Variants in ARFGEF3 observed in about 807,000 individuals in gnomAD.
ARFGEF3 encodes ARFGEF family member 3, also known as brefeldin A-inhibited guanine nucleotide-exchange protein 3.
A neutral mutation model predicts 221.7 loss-of-function variants in ARFGEF3; 96 were observed. The observed-to-expected ratio is 0.43, with a 90% CI of 0.37 to 0.51. The LOEUF is 0.51. Among genes scored for constraint, ARFGEF3 ranks in the 20% least tolerant of loss-of-function variants. The pLI is 0.00. For synonymous variants in ARFGEF3, 1,145 were observed against 1,126.8 expected, an observed-to-expected ratio of 1.02 and a Z score of -0.32; for missense variants, 2,410 against 2,789.9, an observed-to-expected ratio of 0.86 and a Z score of 3.07.
chr6:138,299,635 C>T (rs949060820), intron 22 of ARFGEF3, among the ~76,000 whole-genome samples: 2 of 152,170 alleles, frequency 1.3e-5, no homozygotes, highest in African/African-American at 2.4e-5. Flanking sequence ...GAGAAGTAAG[C>T]GGAGCCCTTA....
chr6:138,293,523 G>A (rs973603110), intron 19 of ARFGEF3, among the ~76,000 whole-genome samples: 3 of 152,194 alleles, frequency 2.0e-5, no homozygotes, highest in African/African-American at 7.2e-5. Flanking sequence ...CGCCCTGGAG[G>A]GGGGCTTACA....
intron 10 of ARFGEF3, among the ~76,000 whole-genome samples, chr6:138,260,680 T>G (rs933703958): frequency 6.6e-6 from 1 of 151,930 alleles, no homozygotes; most frequent in Non-Finnish European, 1.5e-5. Flanking sequence ...AAGAAGAAAG[T>G]AATTATGACA....
At position 138,344,452 on chromosome 6, in the gene ARFGEF3, A is replaced by C. The variant is rs959374746; in HGVS notation, c.*7966A>C. On this transcript the variant is annotated 3_prime_UTR_variant, in exon 34 of 34. Coordinates refer to ENST00000251691, the MANE Select transcript of ARFGEF3 (RefSeq NM_020340.5). Reference sequence around the variant, plus strand: ...ATGTTGATATAACTGATTTTATAGAATCTGTCTGTTCTTTGTTTAACAGGT... The same window carrying C: ...ATGTTGATATAACTGATTTTATAGACTCTGTCTGTTCTTTGTTTAACAGGT... 2 of 152,162 alleles carry C rather than the reference A, an allele frequency of 1.3e-5. No individual in the cohort carries two copies. The highest frequency in any genetic ancestry group is 4.8e-5 in the African/African-American group (2 of 41,436). 9.4% of individuals were successfully genotyped at this position (152,162 alleles called of 1,614,324 possible).
intron 2 of ARFGEF3, among the ~76,000 whole-genome samples, chr6:138,185,628 A>G (rs1777167931): frequency 1.3e-5 from 2 of 152,220 alleles, no homozygotes; most frequent in African/African-American, 2.4e-5. Context: ...TTGATAAAAT[A>G]TGGAGGAGAG....
intron 4 of ARFGEF3, among the ~76,000 whole-genome samples, chr6:138,224,108 C>A (rs1778033498): frequency 6.6e-6 from 1 of 152,178 alleles, no homozygotes; most frequent in Non-Finnish European, 1.5e-5. Context: ...CTTCTTTACT[C>A]CTGAATCCCC....
At chr6:138,249,890 G>A (rs1486114955) in intron 8 of ARFGEF3, among the ~76,000 whole-genome samples, 1 of 152,164 alleles carries the variant, frequency 6.6e-6, no homozygotes, top group Middle Eastern at 3.2e-3. Context: ...TGGGGGCACA[G>A]GATGCTTAGC....
In ARFGEF3 at chr6:138,336,394, C is replaced by G. The variant is rs1780323939; in HGVS notation, c.6442C>G (p.Gln2148Glu). The G allele has an allele frequency of 6.2e-7, 1 of 1,613,462 alleles. No homozygotes were observed. The highest frequency in any genetic ancestry group is 8.5e-7 in the Non-Finnish European group (1 of 1,179,714). ...LQPAVFPCISQLTCHVTDIRV... is the reference protein window; with the variant it reads ...LQPAVFPCISELTCHVTDIRV... ...GCCCGCAGTGTTCCCGTGCATCAGT[C>G]AGCTGACCTGTCACGTGACCGACAT... Residue 2148 changes from glutamine (Q) to glutamate (E), a missense_variant, in exon 34 of 34, where the codon CAG becomes GAG. Around this residue, in one of 5 missense-constraint regions of ARFGEF3, gnomAD observed 339 missense variants for 334.9 expected, o/e 1.01. Transcript: ENST00000251691.
chr6:138,295,225 C>T (rs557510828), intron 20 of ARFGEF3, among the ~76,000 whole-genome samples: 1 of 152,194 alleles, frequency 6.6e-6, no homozygotes, highest in East Asian at 1.9e-4. Context: ...AAAATGCAGC[C>T]TCCAACACTC....
intron 31 of ARFGEF3, among the ~76,000 whole-genome samples, chr6:138,327,252 A>AAACTT (rs940045627): frequency 1.3e-5 from 2 of 151,986 alleles, no homozygotes; most frequent in African/African-American, 4.8e-5. Flanking sequence ...CATGGACCCC[A>AAACTT]AACTTAAAAC....
chr6:138,183,869 GCCACAGAAGTGGCCT>G (rs1329003683), intron 2 of ARFGEF3, among the ~76,000 whole-genome samples: 3 of 152,120 alleles, frequency 2.0e-5, no homozygotes, highest in Non-Finnish European at 1.5e-5. Context: ...CCCATTGCAG[GCCACAGAAGTGGCCT>G]CAACCTCCCC....
intron 25 of ARFGEF3, among the ~76,000 whole-genome samples, chr6:138,313,552 A>G (rs891558727): frequency 1.3e-5 from 2 of 152,216 alleles, no homozygotes; most frequent in Non-Finnish European, 2.9e-5. Flanking sequence ...ATACTGAACA[A>G]TTATCCATAG....
intron 22 of ARFGEF3, among the ~76,000 whole-genome samples, chr6:138,303,803 A>G: frequency 7.3e-6 from 1 of 136,328 alleles, no homozygotes; most frequent in Non-Finnish European, 1.5e-5. Flanking sequence ...CAGAGGTTGC[A>G]GTGAGCCAAG....
chr6:138,212,349 G>A (rs145861070), intron 4 of ARFGEF3, among the ~76,000 whole-genome samples: 8,000 of 152,266 alleles, frequency 0.053, 287 homozygotes, highest in Non-Finnish European at 0.079. Flanking sequence ...GCAACATGGC[G>A]AAACCACATC....
rs58059485 is a variant in ARFGEF3, at chr6:138,237,513, A to ATT, written c.421-988_421-987dup. ...TTAGCAGCATATTATCAAATGAGGG[A>ATT]TTTTTTTTTCTAATTGAGATTTCTC... On this transcript the variant is annotated intron_variant, in intron 5 of 33. Coordinates refer to ENST00000251691, the MANE Select transcript of ARFGEF3 (RefSeq NM_020340.5). Among the ~76,000 whole-genome samples the ATT allele has an allele frequency of 2.6e-5, 4 of 151,704 alleles. No homozygotes were observed. The East Asian group carries it at 5.8e-4, about 22-fold the overall frequency.
chr6:138,282,054 G>A (rs1394782313), intron 14 of ARFGEF3, among the ~76,000 whole-genome samples: 6 of 152,056 alleles, frequency 3.9e-5, no homozygotes, highest in African/African-American at 1.2e-4. Context: ...TCCCAGGTTC[G>A]AGCGATTCTT....
At chr6:138,205,379 GT>G (rs1204077468) in intron 2 of ARFGEF3, among the ~76,000 whole-genome samples, 1 of 152,148 alleles carries the variant, frequency 6.6e-6, no homozygotes, top group Non-Finnish European at 1.5e-5. Flanking sequence ...TTCTTTCACA[GT>G]GGATTAATCC....
At chr6:138,208,682 A>G (rs117058860) in intron 3 of ARFGEF3, among the ~76,000 whole-genome samples, 1,999 of 152,362 alleles carry the variant, frequency 0.013, 30 homozygotes, top group Middle Eastern at 0.055. Flanking sequence ...TAGGGGTTTC[A>G]GGGTGAAATT....
At position 138,267,298 on chromosome 6, in the gene ARFGEF3, G is replaced by A. The variant is rs568584674; in HGVS notation, c.2128+3687G>A. ...AAATTAGCCAGGCATGGTGGTGCAT[G>A]CCTGTAATCCCAGTTACTCAGGAGG... On this transcript the variant is annotated intron_variant, in intron 12 of 33. Coordinates refer to ENST00000251691, the MANE Select transcript of ARFGEF3 (RefSeq NM_020340.5). Among the ~76,000 whole-genome samples the A allele has an allele frequency of 1.1e-3, 173 of 152,194 alleles. 1 individual carries two copies. Among genetic ancestry groups the A allele is most frequent in the African/African-American group, 4.0e-3 (168 of 41,536 alleles).
rs3734300 is a variant in ARFGEF3 at position 138,263,139 on chromosome 6, G to A, written c.1656G>A (p.Leu552=). ...GTAAGGAGACGCTGAGCAAAGTATT[G>A]GAAACAGAGGCGGTAGACCAGCCAG... is the stretch of plus-strand genomic sequence containing the variant. ...PEGKETLSKV[L]ETEAVDQPDV... The change falls in exon 12 of 34, where the codon TTG becomes TTA. Residue 552 remains leucine (L), a synonymous_variant. Coordinates refer to ENST00000251691, the MANE Select transcript of ARFGEF3 (RefSeq NM_020340.5). 3.0e-4 allele frequency: 491 copies of A among 1,613,992 alleles called. 4 individuals carry two copies. The East Asian group carries it at 0.01, about 34-fold the overall frequency.
Sources: gnomAD v4.1 joint callset for allele counts (sites outside exome capture counted in the v4.1 genomes callset) on GRCh38, gnomAD v4.1.1 for gene constraint, gnomAD v4.1.1 regional missense constraint, MANE v1.5 for transcripts, NCBI Gene and HGNC (gene_info 2026-07-23, HGNC 2026-07-21) for gene names.